The following CDKAL1 variants were observed in gnomAD, a reference collection of about 807,000 sequenced individuals.
CDKAL1 encodes threonylcarbamoyladenosine tRNA methylthiotransferase.
In CDKAL1, 32 loss-of-function variants were observed where a neutral mutation model predicts 68.2. The ratio of observed to expected loss-of-function variants is 0.47; its 90% CI spans 0.35 to 0.63. The LOEUF (loss-of-function observed/expected upper bound fraction) is 0.63. Ranked by LOEUF, CDKAL1 falls within the 30% of genes least tolerant of loss-of-function variation. CDKAL1 has a pLI of 0.00. For synonymous variants in CDKAL1, 234 were observed against 244.3 expected (o/e 0.96, Z 0.39); for missense variants, 606 against 696.7 (o/e 0.87, Z 1.47).
At chr6:20,551,719 G>A (rs913825027) in intron 4 of CDKAL1, among the ~76,000 whole-genome samples, 11 of 151,956 alleles carry the variant, frequency 7.2e-5, no homozygotes, top group Non-Finnish European at 1.6e-4. Flanking sequence ...ATATTCTTTA[G>A]ATGGCAAAAT....
intron 9 of CDKAL1, among the ~76,000 whole-genome samples, chr6:20,885,808 G>A (rs1761038925): frequency 6.6e-6 from 1 of 152,176 alleles, no homozygotes; most frequent in Non-Finnish European, 1.5e-5. Context: ...TCAGCCTGAT[G>A]CAATGACTCA....
intron 6 of CDKAL1, among the ~76,000 whole-genome samples, chr6:20,742,083 A>G (rs1418189214): frequency 6.6e-6 from 1 of 151,928 alleles, no homozygotes; most frequent in Non-Finnish European, 1.5e-5. Context: ...TTTTTTTCAT[A>G]TGCTTGTTAG....
chr6:20,769,791 T>A (rs1316924786), intron 7 of CDKAL1, among the ~76,000 whole-genome samples: 1 of 152,182 alleles, frequency 6.6e-6, no homozygotes, highest in African/African-American at 2.4e-5. Context: ...ACCATTTTCA[T>A]ATACATTAAT....
In CDKAL1 at chr6:20,955,600, C is replaced by T; in HGVS notation, c.909+15C>T. The T allele has an allele frequency of 6.2e-7, 1 of 1,612,520 alleles. No individual in the cohort carries two copies. The highest frequency in any genetic ancestry group is 8.5e-7 in the Non-Finnish European group (1 of 1,179,034). ...AGCATCTGGAGGTAAGGAAAAGCAC[C>T]CTATTTGCATGCTAACATAGACACT... On this transcript the variant is annotated intron_variant, in intron 10 of 15. Transcript: ENST00000274695.
At chr6:20,866,765 A>C (rs971741452) in intron 9 of CDKAL1, among the ~76,000 whole-genome samples, 1 of 152,218 alleles carries the variant, frequency 6.6e-6, no homozygotes, top group African/African-American at 2.4e-5. Context: ...CAGTAACACC[A>C]TTTTAGCATC....
chr6:21,093,359 C>A (rs150793795), intron 12 of CDKAL1, among the ~76,000 whole-genome samples: 1 of 152,312 alleles, frequency 6.6e-6, no homozygotes, highest in African/African-American at 2.4e-5. Flanking sequence ...CTCAGGAAGC[C>A]TTTCCAGAAT....
At chr6:20,948,907 C>G (rs1001162969) in intron 9 of CDKAL1, among the ~76,000 whole-genome samples, 12 of 152,144 alleles carry the variant, frequency 7.9e-5, no homozygotes, top group African/African-American at 2.4e-4. Context: ...TTGTTTTGAA[C>G]TTTCCATTAT....
At chr6:20,691,756 C>G (rs957358105) in intron 5 of CDKAL1, among the ~76,000 whole-genome samples, 2 of 152,094 alleles carry the variant, frequency 1.3e-5, no homozygotes, top group African/African-American at 4.8e-5. Flanking sequence ...CTTGTCTTTT[C>G]TTGTAGTTGT....
chr6:21,174,734 C>CTATATA (rs35969558), intron 13 of CDKAL1, among the ~76,000 whole-genome samples: 1 of 150,114 alleles, frequency 6.7e-6, no homozygotes, highest in Non-Finnish European at 1.5e-5. Flanking sequence ...GGCAATTTAA[C>CTATATA]TATATATATA....
intron 13 of CDKAL1, among the ~76,000 whole-genome samples, chr6:21,196,774 A>G (rs1778485056): frequency 6.6e-6 from 1 of 152,170 alleles, no homozygotes; most frequent in Non-Finnish European, 1.5e-5. Context: ...GGGGGTCATA[A>G]TTATTAAGTA....
intron 10 of CDKAL1, among the ~76,000 whole-genome samples, chr6:20,958,062 G>T (rs1764873294): frequency 6.6e-6 from 1 of 151,706 alleles, no homozygotes; most frequent in Admixed American, 6.6e-5. Flanking sequence ...CTAACCCCTG[G>T]CCAGAAGAGG....
chr6:20,635,884 T>C (rs1305408080), intron 4 of CDKAL1, among the ~76,000 whole-genome samples: 2 of 152,176 alleles, frequency 1.3e-5, no homozygotes, highest in African/African-American at 4.8e-5. Context: ...ACAGGTAAAC[T>C]TTAGTATTTT....
At chr6:20,609,259 TC>T (rs1326792918) in intron 4 of CDKAL1, among the ~76,000 whole-genome samples, 715 of 64,226 alleles carry the variant, frequency 0.011, 7 homozygotes, top group African/African-American at 0.052. Flanking sequence ...TCTTCCTCCT[TC>T]CTTCCTCCTC....
rs976227071 is a variant in CDKAL1, at chr6:20,855,358, G to A, written c.742+9180G>A. Among the ~76,000 whole-genome samples the A allele has an allele frequency of 7.3e-5, 10 of 137,888 alleles. No individual in the cohort carries two copies. The East Asian group carries it at 2.1e-3, about 29-fold the overall frequency. 90.5% of individuals were successfully genotyped at this position (137,888 alleles called of 152,430 possible). On this transcript the variant is annotated intron_variant, in intron 9 of 15. Transcript: ENST00000274695. ...CTTGGGAAGCTGAGGCAGGAGAATC[G>A]CTTGAACCCAGGAGGCAGAGGTTGC...
intron 6 of CDKAL1, among the ~76,000 whole-genome samples, chr6:20,756,960 T>C (rs187826220): frequency 4.1e-5 from 6 of 146,790 alleles, no homozygotes; most frequent in Non-Finnish European, 9.0e-5. Context: ...TTCCTTCCTT[T>C]CCTTACTGTG....
Position 20,676,439 on chromosome 6 carries a change from G to A in CDKAL1, c.371+27062G>A, listed in dbSNP as rs545563524. On this transcript the variant is annotated intron_variant, in intron 5 of 15. Coordinates refer to ENST00000274695, the MANE Select transcript of CDKAL1 (RefSeq NM_017774.3). ...TCCCAACACTTTGGGAGGCCGATGCGTGCGGGTCATGAGGTCAGGAGATCG... is the reference window on the plus strand; with the variant it reads ...TCCCAACACTTTGGGAGGCCGATGCATGCGGGTCATGAGGTCAGGAGATCG... Among the ~76,000 whole-genome samples the A allele has an allele frequency of 2.6e-5, 4 of 152,158 alleles. No homozygotes were observed. In the South Asian group the frequency reaches 8.3e-4, roughly 32 times the overall value.
At chr6:21,122,690 A>C (rs1356327832) in intron 13 of CDKAL1, among the ~76,000 whole-genome samples, 1 of 151,974 alleles carries the variant, frequency 6.6e-6, no homozygotes, top group Non-Finnish European at 1.5e-5. Context: ...GCTAGAGTAC[A>C]GTGCCACAAT....
intron 9 of CDKAL1, among the ~76,000 whole-genome samples, chr6:20,864,367 A>C (rs910115367): frequency 1.1e-4 from 16 of 152,150 alleles, no homozygotes; most frequent in African/African-American, 3.9e-4. Flanking sequence ...TTTTTCTAGC[A>C]CATTAGCCAA....
intron 4 of CDKAL1, among the ~76,000 whole-genome samples, chr6:20,598,507 T>G (rs1389394057): frequency 6.6e-6 from 1 of 152,174 alleles, no homozygotes; most frequent in Non-Finnish European, 1.5e-5. Context: ...CTGACACATC[T>G]TGCTAAAAAG....
Sources: allele counts gnomAD v4.1 joint callset (sites outside exome capture counted in the v4.1 genomes callset), GRCh38; gene constraint gnomAD v4.1.1; transcripts MANE v1.5; gene names NCBI Gene and HGNC (gene_info 2026-07-23, HGNC 2026-07-21).